Variants in CFAP47 observed in about 807,000 individuals in gnomAD.
CFAP47 encodes cilia- and flagella-associated protein 47.
In CFAP47, 29 loss-of-function variants were observed where a neutral mutation model predicts 148.1. The ratio of observed to expected loss-of-function variants is 0.20; its 90% CI spans 0.15 to 0.27. The LOEUF is 0.27. CFAP47 is among the 10% of genes least tolerant of loss of function. The pLI is 1.00. For missense variants in CFAP47, 1,872 were observed against 1,697.5 expected, an observed-to-expected ratio of 1.10 and a Z score of -1.81; for synonymous variants, 664 against 577.3, an observed-to-expected ratio of 1.15 and a Z score of -2.15.
intron 8 of CFAP47, among the ~76,000 whole-genome samples, chrX:35,958,724 C>T (rs1294908007): frequency 1.8e-5 from 2 of 111,331 alleles, no homozygotes; most frequent in Non-Finnish European, 1.9e-5. Context: ...GAATAATGGC[C>T]CCCTAAAATA....
intron 48 of CFAP47, among the ~76,000 whole-genome samples, chrX:36,246,029 A>G (rs1293456669): frequency 1.8e-5 from 2 of 111,622 alleles, no homozygotes; most frequent in Non-Finnish European, 3.8e-5. Context: ...ATGACTAAGT[A>G]CCCAAAAGTA....
intron 40 of CFAP47, among the ~76,000 whole-genome samples, chrX:36,185,220 C>T (rs902292669): frequency 9.1e-6 from 1 of 110,458 alleles, no homozygotes; most frequent in Non-Finnish European, 1.9e-5. Context: ...GCTGCATCCT[C>T]CCATGGCAGA....
rs184439232 is a variant in CFAP47 at position 36,292,509 on chromosome X, T to C, written c.7687-6468T>C. On this transcript the variant is annotated intron_variant, in intron 51 of 63. Coordinates refer to ENST00000378653, the MANE Select transcript of CFAP47 (RefSeq NM_001304548.2). Reference sequence around the variant, plus strand: ...TTATTGTATGTTTTCTCCTCAGAAATAATCCTTTTATAATGAACTTGTGAT... The same window carrying C: ...TTATTGTATGTTTTCTCCTCAGAAACAATCCTTTTATAATGAACTTGTGAT... Among the ~76,000 whole-genome samples the C allele has an allele frequency of 5.4e-5, 6 of 112,123 alleles. No homozygotes were observed. The East Asian group carries it at 8.3e-4, about 16-fold the overall frequency.
intron 39 of CFAP47, among the ~76,000 whole-genome samples, chrX:36,175,443 G>A (rs1187074541): frequency 9.0e-6 from 1 of 111,453 alleles, no homozygotes; most frequent in Admixed American, 9.5e-5. Context: ...TCTACTTTTG[G>A]TCTTTGATGA....
intron 10 of CFAP47, among the ~76,000 whole-genome samples, chrX:35,970,430 A>T (rs142789401): frequency 0.023 from 2,505 of 111,330 alleles, 81 homozygotes; most frequent in African/African-American, 0.078. Flanking sequence ...CTAGTCAGAT[A>T]CAGATCTAGT....
chrX:35,984,537 T>C lies in CFAP47; in HGVS notation c.2714-4782T>C, dbSNP rs151001723. ...GCTGTTTTTCTAGTTCCTCTAGTTATGATGTTTGGTTGTTAATTTGAGACC... is the reference window on the plus strand; with the variant it reads ...GCTGTTTTTCTAGTTCCTCTAGTTACGATGTTTGGTTGTTAATTTGAGACC... On this transcript the variant is annotated intron_variant, in intron 15 of 63. Transcript: ENST00000378653. 8.5e-3 allele frequency among the ~76,000 whole-genome samples: 954 copies of C among 111,590 alleles called. 5 individuals are homozygous for C. Among genetic ancestry groups the C allele is most frequent in the African/African-American group, 0.03 (907 of 30,708 alleles).
intron 49 of CFAP47, among the ~76,000 whole-genome samples, chrX:36,267,405 G>A (rs1383799802): frequency 9.1e-6 from 1 of 109,763 alleles, no homozygotes; most frequent in Admixed American, 9.7e-5. Context: ...TGCCATACTT[G>A]TAGACACGAA....
At chrX:36,250,256 T>C (rs1308940877) in intron 48 of CFAP47, among the ~76,000 whole-genome samples, 1 of 111,264 alleles carries the variant, frequency 9.0e-6, no homozygotes, top group Admixed American at 9.6e-5. Flanking sequence ...ATCCTGTCAT[T>C]TGTGACATGG....
chrX:36,330,829 G>A (rs1320898467), intron 57 of CFAP47, among the ~76,000 whole-genome samples: 3 of 111,257 alleles, frequency 2.7e-5, no homozygotes, highest in Non-Finnish European at 3.8e-5. Context: ...CCCTCTACTC[G>A]AACCCTAGAT....
chrX:36,098,481 G>A (rs1169842302), intron 30 of CFAP47, among the ~76,000 whole-genome samples: 1 of 110,954 alleles, frequency 9.0e-6, no homozygotes, highest in African/African-American at 3.3e-5. Flanking sequence ...GGGTCCAGAG[G>A]TGCTGTTCAG....
At chrX:36,229,603 T>C (rs932626587) in intron 46 of CFAP47, among the ~76,000 whole-genome samples, 1 of 111,359 alleles carries the variant, frequency 9.0e-6, no homozygotes, top group Non-Finnish European at 1.9e-5. Flanking sequence ...TGATATTTAT[T>C]CTTTTTTTAT....
intron 2 of CFAP47, among the ~76,000 whole-genome samples, chrX:35,929,402 C>T (rs762968464): frequency 8.9e-6 from 1 of 111,867 alleles, no homozygotes; most frequent in South Asian, 3.7e-4. Flanking sequence ...ATTTCATTTT[C>T]TTTGGAGTGA....
chrX:36,192,653 C>G (rs185884625), intron 42 of CFAP47, among the ~76,000 whole-genome samples: 4 of 111,546 alleles, frequency 3.6e-5, no homozygotes, highest in Non-Finnish European at 7.5e-5. Flanking sequence ...ATATAGCCAG[C>G]CCCCTCCCAA....
chrX:36,261,533 T>G (rs62590738), intron 49 of CFAP47, among the ~76,000 whole-genome samples: 10 of 102,409 alleles, frequency 9.8e-5, no homozygotes, highest in African/African-American at 3.4e-4. Flanking sequence ...TGACTCTTAA[T>G]GAGCATGCTG....
At chrX:36,034,787 C>G (rs1311763951) in intron 23 of CFAP47, among the ~76,000 whole-genome samples, 1 of 110,501 alleles carries the variant, frequency 9.0e-6, no homozygotes, top group African/African-American at 3.3e-5. Context: ...CAACATTTCT[C>G]CAAGATCCCC....
rs144667402 is a variant in CFAP47 at position 36,213,950 on chromosome X, A to C, written c.6817+8840A>C. On this transcript the variant is annotated intron_variant, in intron 45 of 63. Transcript: ENST00000378653. ...TGGGAGGTAAAGCAATGCATGATAC[A>C]TGAGCCGTTGCCTCAGTATCCACAA... is the stretch of plus-strand genomic sequence containing the variant. Among the ~76,000 whole-genome samples the C allele has an allele frequency of 1.1e-4, 12 of 112,101 alleles. No individual in the cohort carries two copies. In the Admixed American group the frequency reaches 1.1e-3, roughly 11 times the overall value.
intron 22 of CFAP47, among the ~76,000 whole-genome samples, chrX:36,019,462 A>G (rs1335417878): frequency 1.8e-5 from 2 of 111,661 alleles, no homozygotes; most frequent in Non-Finnish European, 3.8e-5. Context: ...ACAGTTTGGT[A>G]AGATAAACTC....
At chrX:35,987,608 G>A (rs1327293158) in intron 15 of CFAP47, among the ~76,000 whole-genome samples, 1 of 111,285 alleles carries the variant, frequency 9.0e-6, no homozygotes, top group Non-Finnish European at 1.9e-5. Context: ...CCTTTCCAGG[G>A]GAGTAAACCG....
At chrX:36,019,409 A>G (rs993925570) in intron 22 of CFAP47, among the ~76,000 whole-genome samples, 2 of 111,849 alleles carry the variant, frequency 1.8e-5, no homozygotes, top group Admixed American at 1.9e-4. Context: ...GCAGTTAAGC[A>G]CCTGTGGTAG....
Sources: gnomAD v4.1 joint callset for allele counts (sites outside exome capture counted in the v4.1 genomes callset) on GRCh38, gnomAD v4.1.1 for gene constraint, MANE v1.5 for transcripts, NCBI Gene and HGNC (gene_info 2026-07-23, HGNC 2026-07-21) for gene names.